Variants in HKDC1 observed in about 807,000 individuals in gnomAD.
HKDC1 encodes the protein hexokinase HKDC1.
HKDC1 carries 66 observed loss-of-function variants against 96.6 expected under a neutral mutation model. The observed-to-expected ratio is 0.68, with a 90% CI of 0.56 to 0.84. HKDC1 has a LOEUF of 0.84. Among genes scored for constraint, HKDC1 ranks in the 40% least tolerant of loss-of-function variants. HKDC1 has a pLI of 0.00. For missense variants in HKDC1, 1,211 were observed against 1,208.1 expected (o/e 1.00, Z -0.04); for synonymous variants, 466 against 473.1 (o/e 0.98, Z 0.20).
chr10:69,257,687 G>C (rs531829706), intron 14 of HKDC1, among the ~76,000 whole-genome samples: 4 of 141,076 alleles, frequency 2.8e-5, no homozygotes, highest in East Asian at 3.8e-4. Flanking sequence ...AATTGTCATG[G>C]GGGGGGGAAG....
intron 16 of HKDC1, 99 bp from the exon 17 acceptor site, chr10:69,265,486 C>T: frequency 9.7e-7 from 1 of 1,031,498 alleles, no homozygotes; most frequent in Non-Finnish European, 1.5e-6. Flanking sequence ...TCTCCTCCCT[C>T]CTGTAAGGGC....
chr10:69,263,167 T>C (rs1434609940), intron 16 of HKDC1, among the ~76,000 whole-genome samples: 3 of 152,072 alleles, frequency 2.0e-5, no homozygotes, highest in Non-Finnish European at 4.4e-5. Context: ...CGGGTTCAAG[T>C]GATCCTCCCA....
chr10:69,221,061 A>C (rs942379916), intron 1 of HKDC1, among the ~76,000 whole-genome samples: 2 of 151,952 alleles, frequency 1.3e-5, no homozygotes, highest in African/African-American at 4.8e-5. Flanking sequence ...GAGGCAGGAG[A>C]ATCGCTTGAA....
chr10:69,250,731 G>A (rs1291778279), intron 12 of HKDC1, 79 bp downstream of exon 12: 3 of 1,523,896 alleles, frequency 2.0e-6, no homozygotes, highest in Admixed American at 1.8e-5. Flanking sequence ...GTAACTCCCA[G>A]CCTGCCTTCA....
intron 15 of HKDC1, among the ~76,000 whole-genome samples, chr10:69,259,741 G>A (rs1843778200): frequency 6.6e-6 from 1 of 152,136 alleles, no homozygotes; most frequent in African/African-American, 2.4e-5. Flanking sequence ...TACATGGCTG[G>A]AGAAGGAGGA....
At chr10:69,241,114 G>C (rs1013026355) in intron 6 of HKDC1, among the ~76,000 whole-genome samples, 1 of 152,184 alleles carries the variant, frequency 6.6e-6, no homozygotes, top group South Asian at 2.1e-4. Flanking sequence ...ACTGTGAGTG[G>C]GATGAGGCGT....
At chr10:69,244,277 G>A (rs759395723) in intron 7 of HKDC1, among the ~76,000 whole-genome samples, 2 of 152,086 alleles carry the variant, frequency 1.3e-5, no homozygotes, top group Non-Finnish European at 2.9e-5. Context: ...CCCGGCTCAT[G>A]TCGCACTTTC....
At chr10:69,246,547 T>C (rs1843543989) in intron 8 of HKDC1, among the ~76,000 whole-genome samples, 1 of 152,188 alleles carries the variant, frequency 6.6e-6, no homozygotes, top group African/African-American at 2.4e-5. Context: ...TTTATTCAGG[T>C]TCTAGACCCT....
rs747283338 is a variant in HKDC1, at chr10:69,239,055, C to T, written c.509C>T (p.Ser170Leu). ...ATCTTCTCCCAGGGTGTCCTACTTT[C>T]GTGGACAAAAAAGTTTAAGGCACGA... ...QTKLEEGVLL[S>L]WTKKFKARGV... Residue 170 changes from serine to leucine, a missense_variant, in exon 5 of 18, where the codon TCG becomes TTG. Transcript: ENST00000354624. The T allele has an allele frequency of 2.2e-4, 356 of 1,612,782 alleles. No individual in the cohort carries two copies. The highest frequency in any genetic ancestry group is 2.8e-4 in the Non-Finnish European group (326 of 1,179,076).
At chr10:69,240,986 T>C (rs1049852310) in intron 6 of HKDC1, among the ~76,000 whole-genome samples, 1 of 152,142 alleles carries the variant, frequency 6.6e-6, no homozygotes, top group Non-Finnish European at 1.5e-5. Flanking sequence ...CCTGTGCTCC[T>C]GGAACTTTCA....
chr10:69,239,270 C>T (rs374794153), intron 5 of HKDC1, 133 bp downstream of exon 5: 22 of 618,182 alleles, frequency 3.6e-5, no homozygotes, highest in East Asian at 1.8e-4. Flanking sequence ...AGGAATTGAT[C>T]TTAGAAAAGG....
chr10:69,240,359 A>G (rs921531451), intron 5 of HKDC1, among the ~76,000 whole-genome samples: 2 of 152,112 alleles, frequency 1.3e-5, no homozygotes, highest in African/African-American at 4.8e-5. Context: ...TAAAAAAAAC[A>G]TCGACAACAA....
intron 7 of HKDC1, among the ~76,000 whole-genome samples, chr10:69,244,256 C>T (rs772302596): frequency 1.3e-5 from 2 of 152,282 alleles, no homozygotes; most frequent in South Asian, 2.1e-4. Context: ...TTCCTGGCAC[C>T]GTAAGACGTT....
At chr10:69,227,126 T>C in intron 1 of HKDC1, 81 bp from the exon 2 acceptor site, 1 of 1,490,816 alleles carries the variant, frequency 6.7e-7, no homozygotes, top group Non-Finnish European at 9.3e-7. Flanking sequence ...TGCAGCTTGC[T>C]GAGGGATGTC....
chr10:69,228,907 G>A (rs781705636), intron 2 of HKDC1, among the ~76,000 whole-genome samples: 7 of 149,454 alleles, frequency 4.7e-5, no homozygotes, highest in African/African-American at 1.5e-4. Context: ...GAAAGAAAGA[G>A]AGAGAAAGAA....
intron 12 of HKDC1, among the ~76,000 whole-genome samples, chr10:69,252,587 G>A (rs1363726134): frequency 5.3e-5 from 8 of 150,466 alleles, no homozygotes; most frequent in Non-Finnish European, 7.4e-5. Flanking sequence ...GGAGCTTGCA[G>A]TGAGCTGAGA....
Position 69,266,625 on chromosome 10 carries a change from G to T in HKDC1, c.2622G>T (p.Leu874Phe), listed in dbSNP as rs1589418990. The stretch of plus-strand genomic sequence containing the variant: ...TTTTTCATAGCTTTTCTAGAATATT[G>T]CAGGAAACTGTGAAGGAACTAGCCC... ...YKLHPHFSRI[L>F]QETVKELAPR... Residue 874 changes from leucine (L) to phenylalanine (F), a missense_variant, in exon 18 of 18, where the codon TTG (leucine) becomes TTT (phenylalanine). Coordinates refer to ENST00000354624, the MANE Select transcript of HKDC1 (RefSeq NM_025130.4). 2 of 1,613,988 alleles carry T rather than the reference G, an allele frequency of 1.2e-6. No individual in the cohort carries two copies. Among genetic ancestry groups the T allele is most frequent in the East Asian group, 2.2e-5 (1 of 44,888 alleles).
At chr10:69,239,718 G>T (rs1405098707) in intron 5 of HKDC1, among the ~76,000 whole-genome samples, 2 of 151,096 alleles carry the variant, frequency 1.3e-5, no homozygotes, top group African/African-American at 4.9e-5. Context: ...TTAAAGCTGG[G>T]ATCTTATTGT....
At position 69,239,182 on chromosome 10, in the gene HKDC1, C is replaced by T. The variant is rs199514975; in HGVS notation, c.591+45C>T. ...GTGGGAGGCTCTCCCAGCCCTAGCT[C>T]CTTTCTCTTGGGTTGGTGGGGCTGG... On this transcript the variant is annotated intron_variant, in intron 5 of 17. Coordinates refer to ENST00000354624, the MANE Select transcript of HKDC1 (RefSeq NM_025130.4). The T allele has an allele frequency of 5.4e-6, 8 of 1,486,254 alleles. No homozygotes were observed. The African/African-American group carries it at 9.7e-5, about 18-fold the overall frequency. The allele number at this position is 1,486,254 out of a possible 1,614,324, so 92.1% of individuals were successfully genotyped here.
Sources: allele counts gnomAD v4.1 joint callset (sites outside exome capture counted in the v4.1 genomes callset), GRCh38; gene constraint gnomAD v4.1.1; transcripts MANE v1.5; gene names NCBI Gene and HGNC (gene_info 2026-07-23, HGNC 2026-07-21).